CADM2: variants seen among roughly 807,000 people sequenced by gnomAD.
CADM2 encodes cell adhesion molecule 2.
CADM2 carries 12 observed loss-of-function variants against 49.8 expected under a neutral mutation model. That is an observed-to-expected ratio of 0.24 (90% CI 0.15 to 0.39). The LOEUF (loss-of-function observed/expected upper bound fraction) is 0.39, where lower values mean the gene tolerates loss of function less well. CADM2 is among the 10% of genes least tolerant of loss of function. CADM2 has a pLI of 1.00. For synonymous variants in CADM2, 214 were observed against 175.4 expected (o/e 1.22, Z -1.74); for missense variants, 378 against 492.3 (o/e 0.77, Z 2.20).
chr3:85,764,756 T>A (rs1361251941), intron 2 of CADM2, among the ~76,000 whole-genome samples: 1 of 152,078 alleles, frequency 6.6e-6, no homozygotes, highest in Non-Finnish European at 1.5e-5. Flanking sequence ...TGATTAATAA[T>A]AATTGTTTAT....
intron 1 of CADM2, among the ~76,000 whole-genome samples, chr3:85,071,813 T>G (rs2036755178): frequency 6.6e-6 from 1 of 152,052 alleles, no homozygotes; most frequent in South Asian, 2.1e-4. Context: ...TGTGCATGAT[T>G]TTTTTGTGAA....
chr3:85,935,682 C>G (rs773834006), intron 6 of CADM2, 85 bp from the exon 7 acceptor site: 6 of 593,774 alleles, frequency 1.0e-5, no homozygotes, highest in Non-Finnish European at 1.5e-5. Flanking sequence ...ATAAGAAATG[C>G]TGAACACACA....
At position 85,359,659 on chromosome 3, in the gene CADM2, TA is replaced by T. The variant is rs1451610271; in HGVS notation, c.62-366862del. ...CAGCATATATATATATATATATATA[TA>T]TATATATTTTTTTTTTTGGTGGAGG... On this transcript the variant is annotated intron_variant, in intron 1 of 9. Transcript: ENST00000383699. Among the ~76,000 whole-genome samples the T allele has an allele frequency of 9.3e-3, 222 of 23,808 alleles. 23 individuals are homozygous for T. In the East Asian group the frequency reaches 0.12, roughly 13 times the overall value. The allele number at this position is 23,808 out of a possible 152,430, so 15.6% of individuals were successfully genotyped here.
At chr3:85,871,959 C>A (rs990480168) in intron 3 of CADM2, among the ~76,000 whole-genome samples, 3 of 152,100 alleles carry the variant, frequency 2.0e-5, no homozygotes, top group African/African-American at 4.8e-5. Flanking sequence ...AGTTTATTAG[C>A]CAATTATTTT....
At chr3:85,146,806 G>A (rs1183742466) in intron 1 of CADM2, among the ~76,000 whole-genome samples, 6 of 152,154 alleles carry the variant, frequency 3.9e-5, no homozygotes, top group Non-Finnish European at 8.8e-5. Context: ...GAGAATAATT[G>A]TATCGTGTGA....
At chr3:85,671,717 G>GA (rs1157321589) in intron 1 of CADM2, among the ~76,000 whole-genome samples, 1 of 152,024 alleles carries the variant, frequency 6.6e-6, no homozygotes, top group Non-Finnish European at 1.5e-5. Flanking sequence ...TCTATGCCTG[G>GA]AAAATCTCCC....
chr3:85,631,636 C>T (rs2064309917), intron 1 of CADM2, among the ~76,000 whole-genome samples: 1 of 152,046 alleles, frequency 6.6e-6, no homozygotes, highest in Admixed American at 6.6e-5. Flanking sequence ...TTCATTGAAA[C>T]AGCTACTTAC....
At chr3:85,074,435 A>T in intron 1 of CADM2, among the ~76,000 whole-genome samples, 1 of 152,084 alleles carries the variant, frequency 6.6e-6, no homozygotes, top group East Asian at 1.9e-4. Context: ...CCAATATAAT[A>T]AATGATACTC....
intron 1 of CADM2, among the ~76,000 whole-genome samples, chr3:85,140,120 A>G (rs933552598): frequency 6.6e-6 from 1 of 152,190 alleles, no homozygotes; most frequent in Non-Finnish European, 1.5e-5. Context: ...CATCAGGTTA[A>G]AAGATGGGCT....
chr3:85,528,024 CTG>C (rs2061209214), intron 1 of CADM2, among the ~76,000 whole-genome samples: 1 of 152,196 alleles, frequency 6.6e-6, no homozygotes, highest in African/African-American at 2.4e-5. Context: ...CAGTCTGACT[CTG>C]TGTCTTCCAT....
intron 1 of CADM2, among the ~76,000 whole-genome samples, chr3:85,573,466 T>C (rs1019735184): frequency 2.0e-5 from 3 of 152,056 alleles, no homozygotes; most frequent in Non-Finnish European, 4.4e-5. Context: ...GCTGGCATTA[T>C]AGGGGCATTA....
intron 1 of CADM2, among the ~76,000 whole-genome samples, chr3:85,626,928 A>G (rs1044797962): frequency 6.6e-6 from 1 of 152,042 alleles, no homozygotes; most frequent in Admixed American, 6.6e-5. Context: ...TCATACTTAA[A>G]GGCTCTGGTC....
chr3:85,999,867 AAT>A (rs986330896), intron 8 of CADM2, among the ~76,000 whole-genome samples: 2 of 152,176 alleles, frequency 1.3e-5, no homozygotes, highest in African/African-American at 4.8e-5. Context: ...CTGAGAAGAA[AAT>A]GAGAGATATA....
intron 5 of CADM2, among the ~76,000 whole-genome samples, chr3:85,903,826 G>C (rs1231197031): frequency 6.6e-6 from 1 of 152,024 alleles, no homozygotes; most frequent in Non-Finnish European, 1.5e-5. Context: ...TTGCCCTACT[G>C]TTTTCAATAA....
At chr3:85,338,100 C>T (rs1179611273) in intron 1 of CADM2, among the ~76,000 whole-genome samples, 1 of 151,604 alleles carries the variant, frequency 6.6e-6, no homozygotes, top group Non-Finnish European at 1.5e-5. Flanking sequence ...GTGATATTAA[C>T]ATTCCTTATC....
chr3:85,094,926 A>G (rs1218765158), intron 1 of CADM2, among the ~76,000 whole-genome samples: 2 of 152,166 alleles, frequency 1.3e-5, no homozygotes, highest in Non-Finnish European at 2.9e-5. Context: ...TTAGCTTCCA[A>G]CATAAATTAA....
chr3:85,549,340 GA>G (rs2061741524), intron 1 of CADM2, among the ~76,000 whole-genome samples: 1 of 152,018 alleles, frequency 6.6e-6, no homozygotes, highest in Non-Finnish European at 1.5e-5. Flanking sequence ...ATCCAGTCTG[GA>G]AAAAAACAAA....
In CADM2 at chr3:85,951,184, G is replaced by A. The variant is rs536292907; in HGVS notation, c.792-10285G>A. ...CATGATAATTGTGAGGATGGAATAA[G>A]AAACTGAAGAACATATCCAGAAATA... On this transcript the variant is annotated intron_variant, in intron 7 of 9. Coordinates refer to ENST00000383699, the MANE Select transcript of CADM2 (RefSeq NM_001167675.2). Among the ~76,000 whole-genome samples, 7 of 151,144 alleles carry A rather than the reference G, an allele frequency of 4.6e-5. No homozygotes were observed. In the East Asian group the frequency reaches 1.4e-3, roughly 30 times the overall value.
chr3:85,453,669 G>A (rs1285208030), intron 1 of CADM2, among the ~76,000 whole-genome samples: 2 of 152,014 alleles, frequency 1.3e-5, no homozygotes, highest in African/African-American at 2.4e-5. Context: ...AATGGTGAAT[G>A]TTTTATTACA....
Sources: allele counts gnomAD v4.1 joint callset (sites outside exome capture counted in the v4.1 genomes callset), GRCh38; gene constraint gnomAD v4.1.1; transcripts MANE v1.5; gene names NCBI Gene and HGNC (gene_info 2026-07-23, HGNC 2026-07-21).